MAP4: variants seen among roughly 807,000 people sequenced by gnomAD.
MAP4 encodes microtubule-associated protein 4.
In MAP4, 76 loss-of-function variants were observed where a neutral mutation model predicts 170.2. The ratio of observed to expected loss-of-function variants is 0.45; its 90% CI spans 0.37 to 0.54. MAP4 has a LOEUF of 0.54. MAP4 is among the 20% of genes least tolerant of loss of function. The pLI is 0.00. For synonymous variants in MAP4, 909 were observed against 994.5 expected (o/e 0.91, Z 1.62); for missense variants, 2,506 against 2,748.0 (o/e 0.91, Z 1.97).
chr3:48,000,129 C>T (rs992728679), intron 1 of MAP4, among the ~76,000 whole-genome samples: 4 of 148,868 alleles, frequency 2.7e-5, no homozygotes, highest in Non-Finnish European at 4.4e-5. Context: ...GTACGAGAAT[C>T]GCTTGAACCC....
At chr3:47,907,833 T>C (rs1230571692) in intron 9 of MAP4, among the ~76,000 whole-genome samples, 1 of 152,224 alleles carries the variant, frequency 6.6e-6, no homozygotes, top group Non-Finnish European at 1.5e-5. Context: ...GCCTTGGTAA[T>C]AGGGTAGCTA....
chr3:47,961,939 T>C (rs2100071784), intron 3 of MAP4, among the ~76,000 whole-genome samples: 1 of 152,176 alleles, frequency 6.6e-6, no homozygotes, highest in East Asian at 1.9e-4. Context: ...CGCACCCTGC[T>C]GATTGGAACA....
At chr3:47,988,107 T>C (rs2100089927) in intron 2 of MAP4, among the ~76,000 whole-genome samples, 1 of 149,624 alleles carries the variant, frequency 6.7e-6, no homozygotes, top group Admixed American at 6.7e-5. Flanking sequence ...GGCAGGAGAA[T>C]GGCGTGAACC....
chr3:48,075,096 T>C (rs2100143175), intron 1 of MAP4, among the ~76,000 whole-genome samples: 1 of 152,146 alleles, frequency 6.6e-6, no homozygotes, highest in Admixed American at 6.6e-5. Context: ...CTTCCTAATT[T>C]CAAAACATAT....
At chr3:47,938,330 T>C (rs1262055588) in intron 3 of MAP4, among the ~76,000 whole-genome samples, 2 of 152,082 alleles carry the variant, frequency 1.3e-5, no homozygotes, top group African/African-American at 4.8e-5. Flanking sequence ...ACTGTGCCAC[T>C]GCACCCAGCC....
At chr3:47,947,254 C>A (rs1307642551) in intron 3 of MAP4, among the ~76,000 whole-genome samples, 1 of 152,150 alleles carries the variant, frequency 6.6e-6, no homozygotes, top group Non-Finnish European at 1.5e-5. Flanking sequence ...AAGAAGTCTG[C>A]CAGCAGGGTC....
intron 11 of MAP4, among the ~76,000 whole-genome samples, chr3:47,876,136 CTTTT>C (rs4032093): frequency 3.3e-5 from 3 of 92,244 alleles, no homozygotes; most frequent in African/African-American, 1.1e-4. Context: ...CTTTTTCTTT[CTTTT>C]TTTTTTTTTT....
chr3:48,051,151 G>T (rs1270049436), intron 1 of MAP4, among the ~76,000 whole-genome samples: 4 of 150,600 alleles, frequency 2.7e-5, no homozygotes, highest in African/African-American at 7.4e-5. Context: ...GGTGGCTCAT[G>T]CCTGTAATCC....
chr3:47,885,103 T>A (rs1267030747), intron 10 of MAP4, among the ~76,000 whole-genome samples: 1 of 152,206 alleles, frequency 6.6e-6, no homozygotes. Context: ...TTTCTTGTTT[T>A]TTTGGCAATA....
intron 10 of MAP4, among the ~76,000 whole-genome samples, chr3:47,887,203 GA>G (rs2097741837): frequency 6.6e-6 from 1 of 152,250 alleles, no homozygotes; most frequent in Non-Finnish European, 1.5e-5. Context: ...GGGAGGTGTG[GA>G]AGGAGAGGCG....
chr3:47,929,430 G>GTTTTAC (rs1393954587), intron 3 of MAP4, among the ~76,000 whole-genome samples: 4 of 152,142 alleles, frequency 2.6e-5, no homozygotes, highest in African/African-American at 9.6e-5. Context: ...AACAGGTTCA[G>GTTTTAC]AAAGAAACAT....
intron 1 of MAP4, among the ~76,000 whole-genome samples, chr3:48,033,188 T>C (rs775141505): frequency 5.9e-5 from 9 of 152,200 alleles, no homozygotes; most frequent in Non-Finnish European, 1.0e-4. Flanking sequence ...GGGGAAAAGG[T>C]AGGAGGTATT....
intron 1 of MAP4, among the ~76,000 whole-genome samples, chr3:48,074,360 T>C (rs1486014732): frequency 6.7e-6 from 1 of 148,372 alleles, no homozygotes; most frequent in Non-Finnish European, 1.5e-5. Flanking sequence ...CTAATGTAAA[T>C]GATGAGTTAA....
intron 1 of MAP4, among the ~76,000 whole-genome samples, chr3:48,084,434 G>A (rs141597986): frequency 9.0e-4 from 136 of 150,866 alleles, no homozygotes; most frequent in African/African-American, 3.2e-3. Flanking sequence ...TAATTGTGTT[G>A]ACTTTCAACC....
At chr3:48,003,798 G>A (rs1046109736) in intron 1 of MAP4, among the ~76,000 whole-genome samples, 7 of 152,064 alleles carry the variant, frequency 4.6e-5, no homozygotes, top group Non-Finnish European at 1.0e-4. Flanking sequence ...GAGTCAGTGG[G>A]CTGGGGAAGG....
intron 1 of MAP4, among the ~76,000 whole-genome samples, chr3:48,084,814 T>C (rs1324280731): frequency 8.9e-5 from 1 of 11,238 alleles, no homozygotes; most frequent in Non-Finnish European, 1.5e-4. Context: ...TTGTTTTTGT[T>C]TTTTTTTTAA....
chr3:47,984,704 CA>C (rs1415732627), intron 2 of MAP4, among the ~76,000 whole-genome samples: 1 of 150,934 alleles, frequency 6.6e-6, no homozygotes, highest in Non-Finnish European at 1.5e-5. Flanking sequence ...ACCAGGTGGC[CA>C]GGGGTGGTGG....
At chr3:48,025,953 T>C (rs903002071) in intron 1 of MAP4, among the ~76,000 whole-genome samples, 3 of 123,594 alleles carry the variant, frequency 2.4e-5, no homozygotes, top group Non-Finnish European at 5.3e-5. Context: ...AATAATAATA[T>C]GCTGACTTAG....
At chr3:48,074,992 A>C (rs2100143136) in intron 1 of MAP4, among the ~76,000 whole-genome samples, 1 of 152,130 alleles carries the variant, frequency 6.6e-6, no homozygotes, top group Admixed American at 6.6e-5. Flanking sequence ...TTTTCTGCAA[A>C]AGTTGCCAAG....
Sources: gnomAD v4.1 joint callset for allele counts (sites outside exome capture counted in the v4.1 genomes callset) on GRCh38, gnomAD v4.1.1 for gene constraint, MANE v1.5 for transcripts, NCBI Gene and HGNC (gene_info 2026-07-23, HGNC 2026-07-21) for gene names.